Variants in EFL1 observed in about 807,000 individuals in gnomAD.
EFL1 encodes elongation factor-like GTPase 1.
A neutral mutation model predicts 126.7 loss-of-function variants in EFL1; 76 were observed. The observed-to-expected ratio is 0.60, with a 90% CI of 0.50 to 0.73. The LOEUF is 0.73. Among genes scored for constraint, EFL1 ranks in the 30% least tolerant of loss-of-function variants. The probability of loss-of-function intolerance (pLI) is 0.00; values close to 1 mark genes in which losing one functional copy is unlikely to be tolerated. For synonymous variants in EFL1, 410 were observed against 448.4 expected (o/e 0.91, Z 1.08); for missense variants, 1,128 against 1,343.2 (o/e 0.84, Z 2.50).
chr15:82,164,700 A>G (rs2141243596), intron 15 of EFL1, among the ~76,000 whole-genome samples: 1 of 151,800 alleles, frequency 6.6e-6, no homozygotes, highest in East Asian at 2.0e-4. Flanking sequence ...GATCGAGACT[A>G]TCCTGGCTAA....
intron 18 of EFL1, among the ~76,000 whole-genome samples, chr15:82,147,011 G>T (rs1002584627): frequency 1.3e-5 from 2 of 152,076 alleles, no homozygotes; most frequent in Admixed American, 6.5e-5. Flanking sequence ...TCCTAGGGTG[G>T]CCTGGTCACA....
At chr15:82,185,208 TG>T (rs1567054793) in intron 15 of EFL1, among the ~76,000 whole-genome samples, 1 of 138,474 alleles carries the variant, frequency 7.2e-6, no homozygotes, top group Non-Finnish European at 1.5e-5. Flanking sequence ...TGTGTGTGTG[TG>T]TGTGTGCGTT....
intron 12 of EFL1, among the ~76,000 whole-genome samples, chr15:82,224,889 A>T (rs1426616633): frequency 6.6e-6 from 1 of 152,240 alleles, no homozygotes; most frequent in African/African-American, 2.4e-5. Flanking sequence ...ATGTTTAATA[A>T]AAGTTAATTG....
chr15:82,208,659 C>T (rs1226441201), intron 15 of EFL1, among the ~76,000 whole-genome samples: 2 of 151,886 alleles, frequency 1.3e-5, no homozygotes, highest in African/African-American at 4.8e-5. Context: ...CGCAGGAATT[C>T]AAGGACGCCT....
At chr15:82,190,228 T>G (rs570147546) in intron 15 of EFL1, among the ~76,000 whole-genome samples, 8 of 152,352 alleles carry the variant, frequency 5.3e-5, no homozygotes, top group Admixed American at 2.0e-4. Flanking sequence ...CCTCACTGCG[T>G]TGTTTTAAAA....
chr15:82,138,452 G>GTGTGTGTA (rs1455540752), intron 19 of EFL1, among the ~76,000 whole-genome samples: 24 of 151,994 alleles, frequency 1.6e-4, no homozygotes, highest in Admixed American at 1.2e-3. Context: ...GTGTGTGTGT[G>GTGTGTGTA]TGTGTGTTTA....
chr15:82,243,963 TA>T (rs1205985012), intron 4 of EFL1, among the ~76,000 whole-genome samples: 1 of 152,058 alleles, frequency 6.6e-6, no homozygotes, highest in Non-Finnish European at 1.5e-5. Context: ...ACATACATAT[TA>T]AAGGTTCAGA....
At chr15:82,152,475 A>G in intron 17 of EFL1, 52 bp from the exon 18 acceptor site, 8 of 1,460,844 alleles carry the variant, frequency 5.5e-6, no homozygotes, top group Non-Finnish European at 7.4e-6. Context: ...AAATAGCATC[A>G]AAGCTCCTGT....
chr15:82,192,292 C>T (rs1255364334), intron 15 of EFL1, among the ~76,000 whole-genome samples: 6 of 150,882 alleles, frequency 4.0e-5, no homozygotes, highest in Non-Finnish European at 5.9e-5. Context: ...CCCAGCTACT[C>T]GGGAGGCTGA....
chr15:82,256,417 C>T (rs530805444), intron 3 of EFL1, among the ~76,000 whole-genome samples: 1 of 152,174 alleles, frequency 6.6e-6, no homozygotes, highest in African/African-American at 2.4e-5. Flanking sequence ...AGCAATTTAT[C>T]TACATTTTTG....
At chr15:82,255,153 A>C (rs2141342046) in intron 3 of EFL1, among the ~76,000 whole-genome samples, 1 of 152,362 alleles carries the variant, frequency 6.6e-6, no homozygotes, top group East Asian at 1.9e-4. Context: ...TTCTTGATCC[A>C]TAACCTCCAC....
rs186499543 is a variant in EFL1 at position 82,207,548 on chromosome 15, G to A, written c.1750+7169C>T. Among the ~76,000 whole-genome samples the A allele has an allele frequency of 2.2e-3, 333 of 152,036 alleles. 1 individual carries two copies. Among genetic ancestry groups the A allele is most frequent in the Middle Eastern group, 6.8e-3 (2 of 294 alleles). ...TTAAATTAAAAAATGCTACTGAACT[G>A]TGTACTTTTTAAAATAGTTCAGATG... is the stretch of plus-strand genomic sequence containing the variant. On this transcript the variant is annotated intron_variant, in intron 15 of 19. Transcript: ENST00000268206.
At chr15:82,207,096 C>T (rs1215942571) in intron 15 of EFL1, among the ~76,000 whole-genome samples, 1 of 151,866 alleles carries the variant, frequency 6.6e-6, no homozygotes, top group African/African-American at 2.4e-5. Context: ...TGATTCATGG[C>T]ATAAGAGGAT....
chr15:82,168,771 C>T (rs1179536923), intron 15 of EFL1, among the ~76,000 whole-genome samples: 1 of 152,148 alleles, frequency 6.6e-6, no homozygotes, highest in African/African-American at 2.4e-5. Context: ...TCCTTGGCCT[C>T]CCAAAGTGCT....
At chr15:82,248,561 G>T (rs1268329561) in intron 4 of EFL1, among the ~76,000 whole-genome samples, 2 of 152,036 alleles carry the variant, frequency 1.3e-5, no homozygotes, top group African/African-American at 4.8e-5. Context: ...CCTAACAGAG[G>T]TATTTACAAA....
Position 82,132,688 on chromosome 15 carries a change from G to C in EFL1, c.3175-2127C>G, listed in dbSNP as rs1043557218. Among the ~76,000 whole-genome samples the C allele has an allele frequency of 3.3e-4, 41 of 123,574 alleles. 1 individual carries two copies. The East Asian group carries it at 7.4e-3, about 22-fold the overall frequency. The allele number at this position is 123,574 out of a possible 152,430, so 81.1% of individuals were successfully genotyped here. Reference sequence around the variant, plus strand: ...GAGACAAGGTCCAGGAATTGGGGGGGGGGGGGGGTAGGCAGAGTGGCAGAC... The same window carrying C: ...GAGACAAGGTCCAGGAATTGGGGGGCGGGGGGGGTAGGCAGAGTGGCAGAC... On this transcript the variant is annotated intron_variant, in intron 19 of 19. Coordinates refer to ENST00000268206, the MANE Select transcript of EFL1 (RefSeq NM_024580.6).
At chr15:82,223,844 C>A (rs776442850) in intron 12 of EFL1, among the ~76,000 whole-genome samples, 1 of 152,218 alleles carries the variant, frequency 6.6e-6, no homozygotes, top group Non-Finnish European at 1.5e-5. Flanking sequence ...CACCCATTCA[C>A]TGACCTGTTA....
chr15:82,187,994 C>G (rs1170951307), intron 15 of EFL1, among the ~76,000 whole-genome samples: 1 of 152,058 alleles, frequency 6.6e-6, no homozygotes, highest in Non-Finnish European at 1.5e-5. Context: ...TGCTACCTTA[C>G]TTGGGACATA....
At chr15:82,150,845 G>C (rs1306656305) in intron 18 of EFL1, among the ~76,000 whole-genome samples, 2 of 152,136 alleles carry the variant, frequency 1.3e-5, no homozygotes, top group Non-Finnish European at 2.9e-5. Flanking sequence ...GACTGATATG[G>C]TTATTTGCTT....
Sources: gnomAD v4.1 joint callset for allele counts (sites outside exome capture counted in the v4.1 genomes callset) on GRCh38, gnomAD v4.1.1 for gene constraint, MANE v1.5 for transcripts, NCBI Gene and HGNC (gene_info 2026-07-23, HGNC 2026-07-21) for gene names.